BNC2: variants seen among roughly 807,000 people sequenced by gnomAD.
BNC2 encodes the protein basonuclin zinc finger protein 2, also known as zinc finger protein basonuclin-2.
In BNC2, 20 loss-of-function variants were observed where a neutral mutation model predicts 76.3. That is an observed-to-expected ratio of 0.26 (90% CI 0.18 to 0.38). The LOEUF is 0.38. Ranked by LOEUF, BNC2 falls within the 10% of genes least tolerant of loss-of-function variation. The probability of loss-of-function intolerance (pLI) is 1.00; values close to 1 mark genes in which losing one functional copy is unlikely to be tolerated. For synonymous variants in BNC2, 582 were observed against 514.8 expected (o/e 1.13, Z -1.77); for missense variants, 1,382 against 1,399.8 (o/e 0.99, Z 0.20).
chr9:16,844,144 G>GT (rs5896709), intron 1 of BNC2, among the ~76,000 whole-genome samples: 27,032 of 146,512 alleles, frequency 0.18, 2,717 homozygotes, highest in South Asian at 0.31. Flanking sequence ...TTTCTCATAA[G>GT]TTTTTTTTTT....
chr9:16,632,052 T>C (rs1821177194), intron 3 of BNC2, among the ~76,000 whole-genome samples: 1 of 152,118 alleles, frequency 6.6e-6, no homozygotes, highest in Non-Finnish European at 1.5e-5. Flanking sequence ...GCAGGTCCAA[T>C]CATGTAGGGT....
At chr9:16,767,356 C>T (rs1180622405) in intron 1 of BNC2, among the ~76,000 whole-genome samples, 1 of 152,168 alleles carries the variant, frequency 6.6e-6, no homozygotes, top group East Asian at 1.9e-4. Flanking sequence ...GGGGTCAGTG[C>T]TCAGAGAGAC....
intron 3 of BNC2, among the ~76,000 whole-genome samples, chr9:16,687,533 C>T (rs1336390212): frequency 2.0e-5 from 3 of 152,060 alleles, no homozygotes; most frequent in East Asian, 1.9e-4. Context: ...CAGTAATTCT[C>T]CCCAGGGAGC....
rs1414982362 is a variant in BNC2, at chr9:16,468,038, C to CT, written c.670-30515dup. On this transcript the variant is annotated intron_variant, in intron 5 of 6. Coordinates refer to ENST00000380672, the MANE Select transcript of BNC2 (RefSeq NM_017637.6). The stretch of plus-strand genomic sequence containing the variant: ...AACTCCTAATCTCATTTCTTTCTTT[C>CT]TCTTTTTTTTTTTTTTTTTTTGAGA... Among the ~76,000 whole-genome samples the CT allele has an allele frequency of 7.4e-4, 108 of 146,238 alleles. 1 individual carries two copies. Among genetic ancestry groups the CT allele is most frequent in the African/African-American group, 2.7e-3 (104 of 38,606 alleles).
intron 3 of BNC2, among the ~76,000 whole-genome samples, chr9:16,656,696 C>T (rs960219404): frequency 1.9e-4 from 29 of 152,166 alleles, no homozygotes; most frequent in African/African-American, 6.3e-4. Flanking sequence ...GAATGCTTAA[C>T]ATGAGAAGTA....
At chr9:16,870,532 G>T in intron 1 of BNC2, 114 bp downstream of exon 1, 2 of 1,271,804 alleles carry the variant, frequency 1.6e-6, no homozygotes, top group Non-Finnish European at 2.2e-6. Context: ...TGCCCCTCAC[G>T]CCGCGGGCCG....
intron 1 of BNC2, among the ~76,000 whole-genome samples, chr9:16,853,299 A>AGTCG (rs33914661): frequency 1.0e-3 from 3 of 2,960 alleles, no homozygotes; most frequent in African/African-American, 1.6e-3. Flanking sequence ...AGGCCCAGTT[A>AGTCG]GGAGGCTAAG....
intron 2 of BNC2, among the ~76,000 whole-genome samples, chr9:16,729,360 T>A (rs1824442015): frequency 6.6e-6 from 1 of 152,202 alleles, no homozygotes; most frequent in African/African-American, 2.4e-5. Context: ...CTCTCCTTGT[T>A]CCTTCTTAAC....
intron 1 of BNC2, among the ~76,000 whole-genome samples, chr9:16,862,238 C>CA (rs768092159): frequency 5.3e-4 from 80 of 152,104 alleles, no homozygotes; most frequent in Non-Finnish European, 1.0e-3. Context: ...CCACATTACT[C>CA]AAAAAGTGTA....
intron 3 of BNC2, among the ~76,000 whole-genome samples, chr9:16,710,743 C>G (rs911381243): frequency 2.0e-5 from 3 of 152,132 alleles, no homozygotes; most frequent in African/African-American, 7.2e-5. Context: ...CCATTCTCCC[C>G]TCCCCCTCCC....
intron 3 of BNC2, among the ~76,000 whole-genome samples, chr9:16,631,393 G>A (rs369275193): frequency 6.6e-5 from 10 of 152,108 alleles, no homozygotes; most frequent in Non-Finnish European, 1.0e-4. Flanking sequence ...GCCCTGTAGC[G>A]CACAGTCCAG....
rs755609983 is a variant in BNC2, at chr9:16,552,588, T to A, written c.611A>T (p.His204Leu). The change falls in exon 5 of 7, where the codon CAC becomes CTC. Residue 204 changes from histidine (H) to leucine (L), a missense_variant. Around this residue, in one of 3 missense-constraint regions of BNC2, gnomAD observed 557 missense variants for 540.9 expected, o/e 1.03. Coordinates refer to ENST00000380672, the MANE Select transcript of BNC2 (RefSeq NM_017637.6). Reference sequence around the variant, plus strand: ...AGTCCAGCCAAGGCCGTGCAGTATGTGCAGTACCTCCTCTTGCTTCAGGAC... The same window carrying A: ...AGTCCAGCCAAGGCCGTGCAGTATGAGCAGTACCTCCTCTTGCTTCAGGAC... ...FSVLKQEEVL[H>L]ILHGLGWTLR... 1.2e-5 allele frequency: 20 copies of A among 1,614,108 alleles called. No individual in the cohort carries two copies. The highest frequency in any genetic ancestry group is 1.7e-5 in the Non-Finnish European group (20 of 1,180,054).
At chr9:16,824,297 A>G (rs924292668) in intron 1 of BNC2, among the ~76,000 whole-genome samples, 2 of 152,200 alleles carry the variant, frequency 1.3e-5, no homozygotes, top group African/African-American at 4.8e-5. Context: ...CAACACACAA[A>G]GAAACTGTAA....
chr9:16,691,602 T>G (rs1280807036), intron 3 of BNC2, among the ~76,000 whole-genome samples: 1 of 146,594 alleles, frequency 6.8e-6, no homozygotes, highest in Non-Finnish European at 1.5e-5. Context: ...CTGTGCCTCC[T>G]GGGTTCAAGC....
chr9:16,609,550 C>T (rs1381457763), intron 3 of BNC2, among the ~76,000 whole-genome samples: 3 of 152,060 alleles, frequency 2.0e-5, no homozygotes, highest in South Asian at 2.1e-4. Context: ...AGGAGAAGAC[C>T]GAACTTCATC....
In BNC2 at chr9:16,738,402, A is replaced by G; in HGVS notation, c.87T>C (p.Tyr29=). The part of the protein sequence containing the change: ...DRLSEQDWPA[Y]FKVPCCGVDT... ...CAACCCCACAACATGGGACCTTGAA[A>G]TATGCTGGCCAGTCTTGCTCACTAA... is the stretch of plus-strand genomic sequence containing the variant. The change falls in exon 2 of 7, where the codon TAT becomes TAC. Residue 29 remains tyrosine (Y), a synonymous_variant. Transcript: ENST00000380672. The G allele has an allele frequency of 6.2e-7, 1 of 1,614,136 alleles. No homozygotes were observed. Among genetic ancestry groups the G allele is most frequent in the Non-Finnish European group, 8.5e-7 (1 of 1,179,996 alleles).
intron 5 of BNC2, among the ~76,000 whole-genome samples, chr9:16,523,866 C>T (rs1817706760): frequency 6.6e-6 from 1 of 152,064 alleles, no homozygotes; most frequent in Admixed American, 6.5e-5. Context: ...GCAGAGATTG[C>T]AGTGAACTGA....
chr9:16,431,453 A>G (rs1228319398), intron 6 of BNC2: 1 of 470,544 alleles, frequency 2.1e-6, no homozygotes, highest in Admixed American at 2.3e-5. Context: ...CCGTATGAAG[A>G]CAGCAGGTTC....
rs572480151 is a variant in BNC2 at position 16,531,226 on chromosome 9, A to T, written c.669+21304T>A. Among the ~76,000 whole-genome samples the T allele has an allele frequency of 2.6e-5, 4 of 152,340 alleles. No individual in the cohort carries two copies. The East Asian group carries it at 7.7e-4, about 29-fold the overall frequency. ...AAGACCACAGTAGCCTCAGTCTGAAAGGCCACTCCAGGGCTACTTAAACCA... is the reference window on the plus strand; with the variant it reads ...AAGACCACAGTAGCCTCAGTCTGAATGGCCACTCCAGGGCTACTTAAACCA... On this transcript the variant is annotated intron_variant, in intron 5 of 6. Transcript: ENST00000380672.
Sources: allele counts gnomAD v4.1 joint callset (sites outside exome capture counted in the v4.1 genomes callset), GRCh38; gene constraint gnomAD v4.1.1; regional missense constraint gnomAD v4.1.1; transcripts MANE v1.5; gene names NCBI Gene and HGNC (gene_info 2026-07-23, HGNC 2026-07-21).